The following TMTC2 variants were observed in gnomAD, a reference collection of about 807,000 sequenced individuals.
The protein encoded by TMTC2 is transmembrane O-mannosyltransferase targeting cadherins 2.
TMTC2 carries 43 observed loss-of-function variants against 82.4 expected under a neutral mutation model. The observed-to-expected ratio is 0.52, with a 90% CI of 0.41 to 0.67. The LOEUF is 0.67. Ranked by LOEUF, TMTC2 falls within the 30% of genes least tolerant of loss-of-function variation. TMTC2 has a pLI of 0.00. For missense variants in TMTC2, 919 were observed against 1,012.4 expected (o/e 0.91, Z 1.25); for synonymous variants, 408 against 381.9 (o/e 1.07, Z -0.80).
chr12:82,971,131 C>G (rs1878428882), intron 7 of TMTC2, among the ~76,000 whole-genome samples: 1 of 151,990 alleles, frequency 6.6e-6, no homozygotes, highest in Admixed American at 6.6e-5. Context: ...AAAATAATCT[C>G]TTTAATAAGA....
In TMTC2 at chr12:83,053,626, C is replaced by A. The variant is rs17010561; in HGVS notation, c.2267+2608C>A. ...TGAGGCCAGCCATCAAGGGGCAAAT[C>A]TTTATCTTACTGGGACCTTCAAGAG... On this transcript the variant is annotated intron_variant, in intron 10 of 11. Transcript: ENST00000321196. Among the ~76,000 whole-genome samples, 2,792 of 152,144 alleles carry A rather than the reference C, an allele frequency of 0.018. 193 individuals are homozygous for A. In the East Asian group the frequency reaches 0.25, roughly 13 times the overall value.
intron 1 of TMTC2, among the ~76,000 whole-genome samples, chr12:82,765,296 C>A (rs530267519): frequency 2.2e-4 from 34 of 152,104 alleles, no homozygotes; most frequent in Non-Finnish European, 4.6e-4. Context: ...AAATATGTAT[C>A]AAGTGTTTAG....
intron 1 of TMTC2, among the ~76,000 whole-genome samples, chr12:82,828,299 T>C (rs147364449): frequency 0.01 from 1,552 of 148,342 alleles, 31 homozygotes; most frequent in African/African-American, 0.037. Context: ...CTGCAACCTC[T>C]GCCTCCTGGG....
intron 1 of TMTC2, among the ~76,000 whole-genome samples, chr12:82,854,794 G>T (rs1016240933): frequency 6.6e-5 from 10 of 152,048 alleles, no homozygotes; most frequent in Admixed American, 6.6e-4. Flanking sequence ...GATAATATAT[G>T]TATTATTATA....
intron 3 of TMTC2, among the ~76,000 whole-genome samples, chr12:82,927,599 A>G (rs1399595168): frequency 6.6e-6 from 1 of 152,264 alleles, no homozygotes; most frequent in African/African-American, 2.4e-5. Context: ...ATAAAATGCT[A>G]TCAAATAACA....
At chr12:82,856,659 G>T (rs769181367) in intron 1 of TMTC2, among the ~76,000 whole-genome samples, 65 of 152,246 alleles carry the variant, frequency 4.3e-4, no homozygotes, top group Middle Eastern at 3.4e-3. Flanking sequence ...AGATTCTCAG[G>T]CCCAGCCTCG....
chr12:82,903,789 T>C (rs1393531322), intron 3 of TMTC2, among the ~76,000 whole-genome samples: 1 of 152,208 alleles, frequency 6.6e-6, no homozygotes. Context: ...CATTCAGTAA[T>C]GGATATGTTC....
At chr12:83,094,660 G>A (rs991129692) in intron 11 of TMTC2, among the ~76,000 whole-genome samples, 3 of 152,160 alleles carry the variant, frequency 2.0e-5, no homozygotes, top group African/African-American at 7.2e-5. Flanking sequence ...GTACAGGAGG[G>A]AAGAAAAGGT....
chr12:83,077,915 C>T (rs955462003), intron 11 of TMTC2, among the ~76,000 whole-genome samples: 15 of 132,068 alleles, frequency 1.1e-4, no homozygotes, highest in African/African-American at 4.1e-4. Flanking sequence ...TAACAGGGGC[C>T]TCAGCCAAAG....
chr12:82,859,102 A>C (rs1471990020), intron 2 of TMTC2, among the ~76,000 whole-genome samples: 2 of 145,274 alleles, frequency 1.4e-5, no homozygotes, highest in African/African-American at 2.6e-5. Context: ...GGAGTCTCAC[A>C]CTGTCGCCAG....
chr12:82,838,485 C>T (rs1403084049), intron 1 of TMTC2, among the ~76,000 whole-genome samples: 2 of 152,202 alleles, frequency 1.3e-5, no homozygotes, highest in Non-Finnish European at 2.9e-5. Flanking sequence ...GCTGGATTCA[C>T]AGTTTAATGT....
At position 82,703,729 on chromosome 12, in the gene TMTC2, C is replaced by T. The variant is rs1445652940; in HGVS notation, c.83+16060C>T. 3.9e-5 allele frequency among the ~76,000 whole-genome samples: 6 copies of T among 152,074 alleles called. No homozygotes were observed. The South Asian group carries it at 6.2e-4, about 16-fold the overall frequency. On this transcript the variant is annotated intron_variant, in intron 1 of 11. Transcript: ENST00000321196. ...GTCTCGATCTCCTGACCTCGTGATC[C>T]GCCCTCCTCGGTCCCCCAAAGTGCT...
At position 82,966,923 on chromosome 12, in the gene TMTC2, C is replaced by G; in HGVS notation, c.1874C>G (p.Ala625Gly). ...LYHEQGHYEE[A>G]LSVYKEAIQK... The stretch of plus-strand genomic sequence containing the variant: ...TTTTTTTGTTTTATAAATTAGGAAG[C>G]CCTTAGTGTATACAAGGAAGCAATT... Residue 625 changes from alanine (A) to glycine (G), a missense_variant, in exon 7 of 12, where the codon GCC becomes GGC. By Grantham distance (60) the Ala-to-Gly change is moderately conservative. Transcript: ENST00000321196. The G allele has an allele frequency of 1.2e-6, 2 of 1,609,954 alleles. No individual in the cohort carries two copies. Among genetic ancestry groups the G allele is most frequent in the South Asian group, 2.2e-5 (2 of 90,638 alleles).
intron 2 of TMTC2, among the ~76,000 whole-genome samples, chr12:82,892,283 T>A (rs550870941): frequency 6.6e-6 from 1 of 152,328 alleles, no homozygotes; most frequent in Non-Finnish European, 1.5e-5. Context: ...ACTTATGTTT[T>A]CTTGTTTTTA....
chr12:83,048,426 C>A (rs987659504), intron 9 of TMTC2, among the ~76,000 whole-genome samples: 1 of 151,258 alleles, frequency 6.6e-6, no homozygotes, highest in African/African-American at 2.4e-5. Context: ...ATTTTCTAAC[C>A]CAAGAATTAG....
At chr12:82,969,668 A>T (rs1320578760) in intron 7 of TMTC2, among the ~76,000 whole-genome samples, 1 of 152,194 alleles carries the variant, frequency 6.6e-6, no homozygotes. Context: ...ATTAATAGAA[A>T]ATAACAAGTT....
At chr12:82,924,538 A>T (rs1018362702) in intron 3 of TMTC2, among the ~76,000 whole-genome samples, 2 of 152,208 alleles carry the variant, frequency 1.3e-5, no homozygotes, top group Admixed American at 6.5e-5. Flanking sequence ...GCAGGCATCT[A>T]GGGCAATTAC....
chr12:82,907,959 AAAAT>A, intron 3 of TMTC2, among the ~76,000 whole-genome samples: 1 of 152,114 alleles, frequency 6.6e-6, no homozygotes, highest in Non-Finnish European at 1.5e-5. Context: ...TAAAAATACA[AAAAT>A]TAGCTGGGCA....
In TMTC2 at chr12:82,997,427, T is replaced by TAC. The variant is rs201465273; in HGVS notation, c.2070+11387_2070+11388dup. 1.5e-3 allele frequency among the ~76,000 whole-genome samples: 171 copies of TAC among 113,406 alleles called. 3 individuals are homozygous for TAC. Among genetic ancestry groups the TAC allele is most frequent in the African/African-American group, 6.1e-3 (162 of 26,766 alleles). 74.4% of individuals were successfully genotyped at this position (113,406 alleles called of 152,430 possible). A position where few individuals can be genotyped will look rare whatever the true frequency, so the allele number is the denominator to read the frequency against. On this transcript the variant is annotated intron_variant, in intron 8 of 11. Coordinates refer to ENST00000321196, the MANE Select transcript of TMTC2 (RefSeq NM_152588.3). The stretch of plus-strand genomic sequence containing the variant: ...ATATATATGTGTATATATATATATA[T>TAC]ACACACAGAGAGAGAGAACTATAAT...
Sources: allele counts gnomAD v4.1 joint callset (sites outside exome capture counted in the v4.1 genomes callset), GRCh38; gene constraint gnomAD v4.1.1; transcripts MANE v1.5; gene names NCBI Gene and HGNC (gene_info 2026-07-23, HGNC 2026-07-21).